ENTHD1: variants seen among roughly 807,000 people sequenced by gnomAD.
ENTHD1 encodes the protein ENTH domain containing 1.
A neutral mutation model predicts 39.1 loss-of-function variants in ENTHD1; 23 were observed. The ratio of observed to expected loss-of-function variants is 0.59; its 90% CI spans 0.42 to 0.83. ENTHD1 has a LOEUF of 0.83. Ranked by LOEUF, ENTHD1 falls within the 40% of genes least tolerant of loss-of-function variation. The probability of loss-of-function intolerance (pLI) is 0.00; values close to 1 mark genes in which losing one functional copy is unlikely to be tolerated. For synonymous variants in ENTHD1, 230 were observed against 258.2 expected (o/e 0.89, Z 1.05); for missense variants, 624 against 705.4 (o/e 0.88, Z 1.31).
At chr22:39,869,653 A>C (rs78076381) in intron 2 of ENTHD1, among the ~76,000 whole-genome samples, 13 of 151,586 alleles carry the variant, frequency 8.6e-5, no homozygotes, top group Non-Finnish European at 1.5e-5. Context: ...AAAAAAAAAA[A>C]CCAGCAATCA....
intron 4 of ENTHD1, among the ~76,000 whole-genome samples, chr22:39,827,014 A>AT (rs1269713696): frequency 0.012 from 1,617 of 135,842 alleles, 32 homozygotes; most frequent in African/African-American, 0.034. Context: ...TGCCCAACTA[A>AT]TTTTTTTTTT....
At chr22:39,852,302 G>A (rs1328434796) in intron 3 of ENTHD1, among the ~76,000 whole-genome samples, 1 of 152,146 alleles carries the variant, frequency 6.6e-6, no homozygotes, top group Non-Finnish European at 1.5e-5. Context: ...AACTGTGATG[G>A]TGCCACTGTA....
chr22:39,846,910 A>C (rs1697851355), intron 3 of ENTHD1, among the ~76,000 whole-genome samples: 1 of 152,092 alleles, frequency 6.6e-6, no homozygotes, highest in Non-Finnish European at 1.5e-5. Context: ...GCTGGAGAGG[A>C]TGTGGAGAAA....
In ENTHD1 at chr22:39,743,449, A is replaced by G. The variant is rs2065074831; in HGVS notation, c.*230T>C. On this transcript the variant is annotated 3_prime_UTR_variant, in exon 7 of 7. Transcript: ENST00000325157. ...AAAGAATGAAATTCTCTTCTGTTTCAAATGAACTAATATCTAAATCTGAAA... is the reference window on the plus strand; with the variant it reads ...AAAGAATGAAATTCTCTTCTGTTTCGAATGAACTAATATCTAAATCTGAAA... 2.2e-6 allele frequency: 1 copy of G among 455,612 alleles called. No homozygotes were observed. The highest frequency in any genetic ancestry group is 3.8e-6 in the Non-Finnish European group (1 of 265,882). 28.2% of individuals were successfully genotyped at this position (455,612 alleles called of 1,614,324 possible).
chr22:39,787,113 G>A (rs1176177308), intron 5 of ENTHD1, among the ~76,000 whole-genome samples: 1 of 152,082 alleles, frequency 6.6e-6, no homozygotes, highest in Admixed American at 6.6e-5. Context: ...ATCTGTTGTG[G>A]TGATGTGTGA....
intron 3 of ENTHD1, among the ~76,000 whole-genome samples, chr22:39,849,482 C>T (rs1480907972): frequency 6.6e-6 from 1 of 152,170 alleles, no homozygotes; most frequent in Non-Finnish European, 1.5e-5. Flanking sequence ...AGAAACCCTC[C>T]ACTAAATCTA....
rs116668695 is a variant in ENTHD1, at chr22:39,744,176, C to T, written c.1327G>A (p.Gly443Arg). The change falls in exon 7 of 7, where the codon GGA (glycine) becomes AGA (arginine). Residue 443 changes from glycine (G) to arginine (R), a missense_variant. Coordinates refer to ENST00000325157, the MANE Select transcript of ENTHD1 (RefSeq NM_152512.4). Reference protein sequence around the residue: ...SAHLLSPILAGPSFWTLSHQQ... With the variant: ...SAHLLSPILARPSFWTLSHQQ... The stretch of plus-strand genomic sequence containing the variant: ...TGGGACAGAGTCCAGAAGGAAGGTC[C>T]GGCCAGAATTGGTGATAAGAGATGA... 707 of 1,613,940 alleles carry T rather than the reference C, an allele frequency of 4.4e-4. 3 individuals carry two copies. The East Asian group carries it at 7.4e-3, about 17-fold the overall frequency.
intron 5 of ENTHD1, among the ~76,000 whole-genome samples, chr22:39,787,561 C>T (rs1375044947): frequency 6.6e-6 from 1 of 152,134 alleles, no homozygotes; most frequent in Non-Finnish European, 1.5e-5. Context: ...GAAAGTGAAA[C>T]AGCCTTATTG....
intron 6 of ENTHD1, 127 bp from the exon 7 acceptor site, chr22:39,744,410 A>T (rs2065087881): frequency 1.2e-6 from 1 of 828,418 alleles, no homozygotes; most frequent in Non-Finnish European, 1.7e-6. Context: ...TAGAATTTTA[A>T]ATGTTAACTA....
At chr22:39,876,735 T>C (rs2066293397) in intron 2 of ENTHD1, among the ~76,000 whole-genome samples, 1 of 152,198 alleles carries the variant, frequency 6.6e-6, no homozygotes, top group Non-Finnish European at 1.5e-5. Context: ...TAAAACTATT[T>C]TAAAAAGTAA....
intron 1 of ENTHD1, among the ~76,000 whole-genome samples, chr22:39,888,762 G>C (rs1304346142): frequency 6.7e-6 from 1 of 150,010 alleles, no homozygotes; most frequent in Admixed American, 6.6e-5. Flanking sequence ...TAGAGATGGG[G>C]GTCTCAATAT....
intron 1 of ENTHD1, among the ~76,000 whole-genome samples, chr22:39,889,761 T>C (rs2066411348): frequency 6.6e-6 from 1 of 151,990 alleles, no homozygotes; most frequent in African/African-American, 2.4e-5. Context: ...CTCTTTTTGG[T>C]AAAAATACAA....
intron 5 of ENTHD1, among the ~76,000 whole-genome samples, chr22:39,782,077 A>G (rs2065414862): frequency 1.3e-5 from 2 of 152,176 alleles, no homozygotes; most frequent in Admixed American, 1.3e-4. Flanking sequence ...ACTTGAGGCC[A>G]GGAGTTCAAG....
At position 39,819,158 on chromosome 22, in the gene ENTHD1, A is replaced by C. The variant is rs544957599; in HGVS notation, c.832+1835T>G. ...GAGGTGGGTGGATCACAAGGTCAGGAGATCAAGACCATCCTGGCTAACACG... is the reference window on the plus strand; with the variant it reads ...GAGGTGGGTGGATCACAAGGTCAGGCGATCAAGACCATCCTGGCTAACACG... On this transcript the variant is annotated intron_variant, in intron 5 of 6. Transcript: ENST00000325157. Among the ~76,000 whole-genome samples the C allele has an allele frequency of 5.3e-5, 8 of 152,208 alleles. No individual in the cohort carries two copies. In the East Asian group the frequency reaches 1.5e-3, roughly 29 times the overall value.
chr22:39,883,665 TC>T (rs1456172694), intron 2 of ENTHD1, among the ~76,000 whole-genome samples: 1 of 151,972 alleles, frequency 6.6e-6, no homozygotes, highest in African/African-American at 2.4e-5. Flanking sequence ...AATCATTTAA[TC>T]AGGTTTATTT....
At chr22:39,891,007 G>C (rs1242832790) in intron 1 of ENTHD1, among the ~76,000 whole-genome samples, 1 of 152,208 alleles carries the variant, frequency 6.6e-6, no homozygotes, top group African/African-American at 2.4e-5. Flanking sequence ...AAATAACTGT[G>C]AGATTGTAAC....
chr22:39,801,540 C>T (rs1392466617), intron 5 of ENTHD1, among the ~76,000 whole-genome samples: 2 of 152,270 alleles, frequency 1.3e-5, no homozygotes, highest in East Asian at 1.9e-4. Context: ...TTTGCATGAG[C>T]GTAATCAACC....
At chr22:39,746,611 T>C (rs936588773) in intron 6 of ENTHD1, among the ~76,000 whole-genome samples, 18 of 152,230 alleles carry the variant, frequency 1.2e-4, no homozygotes, top group Non-Finnish European at 1.3e-4. Context: ...CTTCAGTGAA[T>C]AGTCATTTGT....
At chr22:39,748,109 C>T (rs946817626) in intron 6 of ENTHD1, among the ~76,000 whole-genome samples, 62 of 151,948 alleles carry the variant, frequency 4.1e-4, no homozygotes, top group African/African-American at 1.5e-3. Context: ...ATTAGTTGGG[C>T]ATGGTGGTGT....
Sources: allele counts gnomAD v4.1 joint callset (sites outside exome capture counted in the v4.1 genomes callset), GRCh38; gene constraint gnomAD v4.1.1; transcripts MANE v1.5; gene names NCBI Gene and HGNC (gene_info 2026-07-23, HGNC 2026-07-21).